The following OMA1 variants were observed in gnomAD, a reference collection of about 807,000 sequenced individuals.
OMA1 encodes metalloendopeptidase OMA1, mitochondrial.
OMA1 carries 38 observed loss-of-function variants against 30.9 expected under a neutral mutation model. The ratio of observed to expected loss-of-function variants is 1.23; its 90% CI spans 0.95 to 1.61. The LOEUF (loss-of-function observed/expected upper bound fraction) is 1.61. Ranked by LOEUF, OMA1 falls within the 40% of genes most tolerant of loss-of-function variation. The probability of loss-of-function intolerance (pLI) is 0.00; values close to 1 mark genes in which losing one functional copy is unlikely to be tolerated. For synonymous variants in OMA1, 173 were observed against 121.9 expected, an observed-to-expected ratio of 1.42 and a Z score of -2.76; for missense variants, 461 against 349.2, an observed-to-expected ratio of 1.32 and a Z score of -2.55.
chr1:58,481,659 C>G (rs1029180080), intron 8 of OMA1, among the ~76,000 whole-genome samples: 1 of 151,922 alleles, frequency 6.6e-6, no homozygotes, highest in Non-Finnish European at 1.5e-5. Flanking sequence ...ATGTCTCCAC[C>G]CAAATCTCAT....
intron 6 of OMA1, among the ~76,000 whole-genome samples, chr1:58,529,932 G>C (rs1271315862): frequency 2.0e-5 from 3 of 151,922 alleles, no homozygotes; most frequent in African/African-American, 7.3e-5. Flanking sequence ...CCAGGCTGGA[G>C]TGCAGTGGCG....
At chr1:58,530,789 A>T in intron 5 of OMA1, 60 bp from the exon 6 acceptor site, 1 of 812,800 alleles carries the variant, frequency 1.2e-6, no homozygotes, top group Non-Finnish European at 2.1e-6. Context: ...ATATGCTTAC[A>T]TTTTCTAGTT....
At chr1:58,486,629 G>A (rs1645579838) in intron 8 of OMA1, among the ~76,000 whole-genome samples, 2 of 152,258 alleles carry the variant, frequency 1.3e-5, no homozygotes, top group Admixed American at 1.3e-4. Context: ...TAGGGTAAAA[G>A]CCAATAAACA....
chr1:58,538,700 A>C (rs1646556601), intron 2 of OMA1, 95 bp downstream of exon 2: 1 of 584,366 alleles, frequency 1.7e-6, no homozygotes, highest in Admixed American at 3.1e-5. Context: ...CAGTTTTATA[A>C]ATAAAAAAAT....
intron 7 of OMA1, among the ~76,000 whole-genome samples, chr1:58,510,075 C>G (rs998568359): frequency 4.6e-5 from 7 of 152,074 alleles, no homozygotes; most frequent in Non-Finnish European, 8.8e-5. Context: ...GAATTAATGT[C>G]AATGACTCTC....
At chr1:58,513,314 A>G (rs1646110156) in intron 7 of OMA1, among the ~76,000 whole-genome samples, 1 of 152,174 alleles carries the variant, frequency 6.6e-6, no homozygotes, top group Non-Finnish European at 1.5e-5. Flanking sequence ...CTCCCCAGCC[A>G]TGGAGAACTG....
chr1:58,517,115 G>T (rs11581395), intron 7 of OMA1, among the ~76,000 whole-genome samples: 47,287 of 152,044 alleles, frequency 0.31, 7,783 homozygotes, highest in African/African-American at 0.42. Context: ...GTACTATCAT[G>T]ATTCTCACTA....
At chr1:58,538,751 C>A in intron 2 of OMA1, 44 bp downstream of exon 2, 1 of 709,188 alleles carries the variant, frequency 1.4e-6, no homozygotes, top group Non-Finnish European at 2.4e-6. Context: ...AATATTAATG[C>A]AAAAAGTTAA....
intron 7 of OMA1, among the ~76,000 whole-genome samples, chr1:58,516,542 C>T (rs1266918251): frequency 6.6e-6 from 1 of 152,044 alleles, no homozygotes; most frequent in African/African-American, 2.4e-5. Context: ...ACGACAAATG[C>T]CTTCCAAATG....
intron 5 of OMA1, among the ~76,000 whole-genome samples, chr1:58,533,166 C>T (rs559470485): frequency 6.6e-6 from 1 of 152,074 alleles, no homozygotes; most frequent in Non-Finnish European, 1.5e-5. Context: ...TTTTCCTGGA[C>T]TTATATCAAG....
intron 7 of OMA1, among the ~76,000 whole-genome samples, chr1:58,519,550 C>G (rs761770514): frequency 1.8e-4 from 28 of 152,028 alleles, no homozygotes; most frequent in Non-Finnish European, 3.5e-4. Flanking sequence ...TCTAAGTGAC[C>G]ACTTAGCACA....
chr1:58,507,381 T>A (rs940900741), intron 7 of OMA1, among the ~76,000 whole-genome samples: 1 of 151,976 alleles, frequency 6.6e-6, no homozygotes, highest in Non-Finnish European at 1.5e-5. Flanking sequence ...GAACACTGCA[T>A]GCTAGTCAAC....
chr1:58,521,449 TA>T (rs1646263308), intron 7 of OMA1, among the ~76,000 whole-genome samples: 1 of 150,760 alleles, frequency 6.6e-6, no homozygotes, highest in South Asian at 2.1e-4. Context: ...GTAACTGACA[TA>T]ACAGAAAACA....
rs553424049 is a variant in OMA1, at chr1:58,491,492, C to T, written c.1366-10318G>A. Among the ~76,000 whole-genome samples the T allele has an allele frequency of 1.4e-4, 22 of 152,132 alleles. No individual in the cohort carries two copies. The South Asian group carries it at 2.1e-3, about 14-fold the overall frequency. ...GGCAAATTGGATAAAGAGTCAAGAC[C>T]CATCAGTGTGCTGTATTCAGGAAAC... On this transcript the variant is annotated intron_variant, in intron 8 of 8. Transcript: ENST00000371226.
intron 8 of OMA1, among the ~76,000 whole-genome samples, chr1:58,490,812 T>A (rs1360954155): frequency 3.0e-5 from 4 of 131,368 alleles, no homozygotes; most frequent in African/African-American, 8.6e-5. Flanking sequence ...TTTTTTTTTT[T>A]TTTTTTTTTT....
At chr1:58,522,720 CAT>C (rs941165433) in intron 7 of OMA1, among the ~76,000 whole-genome samples, 1 of 152,128 alleles carries the variant, frequency 6.6e-6, no homozygotes, top group African/African-American at 2.4e-5. Flanking sequence ...AGTAAATTAA[CAT>C]GTTTTGTATG....
chr1:58,511,899 C>A (rs1393334500), intron 7 of OMA1, among the ~76,000 whole-genome samples: 2 of 151,982 alleles, frequency 1.3e-5, no homozygotes, highest in Non-Finnish European at 2.9e-5. Flanking sequence ...GCACGGGAAA[C>A]AAAAGGCAAA....
chr1:58,526,601 CAAAAAA>C (rs10574530), intron 7 of OMA1, among the ~76,000 whole-genome samples: 1 of 121,408 alleles, frequency 8.2e-6, no homozygotes. Context: ...CTATGGCTAG[CAAAAAA>C]AAAAAAAAAA....
At position 58,480,788 on chromosome 1, in the gene OMA1, A is replaced by G. The variant is rs111822959; in HGVS notation, c.*177T>C. ...AAGATATTTTAACATAGATTAAAAT[A>G]CATCAATATTTCATGAAAAATAAAT... On this transcript the variant is annotated 3_prime_UTR_variant, in exon 9 of 9. Coordinates refer to ENST00000371226, the MANE Select transcript of OMA1 (RefSeq NM_145243.5). 2.0e-6 allele frequency: 1 copy of G among 497,802 alleles called. No individual in the cohort carries two copies. Among genetic ancestry groups the G allele is most frequent in the Non-Finnish European group, 3.5e-6 (1 of 289,092 alleles). The allele number at this position is 497,802 out of a possible 1,614,324, so 30.8% of individuals were successfully genotyped here. A position where few individuals can be genotyped will look rare whatever the true frequency, so the allele number is the denominator to read the frequency against.
Sources: gnomAD v4.1 joint callset for allele counts (sites outside exome capture counted in the v4.1 genomes callset) on GRCh38, gnomAD v4.1.1 for gene constraint, MANE v1.5 for transcripts, NCBI Gene and HGNC (gene_info 2026-07-23, HGNC 2026-07-21) for gene names.